Variants in MDM4 observed in about 807,000 individuals in gnomAD.
MDM4 encodes MDM4 regulator of p53, also known as protein Mdm4.
In MDM4, 2 loss-of-function variants were observed where a neutral mutation model predicts 60.2. That is an observed-to-expected ratio of 0.03 (90% CI 0.01 to 0.10). MDM4 has a LOEUF of 0.10. Ranked by LOEUF, MDM4 falls within the 10% of genes least tolerant of loss-of-function variation. The pLI is 1.00. For missense variants in MDM4, 447 were observed against 577.5 expected, an observed-to-expected ratio of 0.77 and a Z score of 2.32; for synonymous variants, 202 against 198.1, an observed-to-expected ratio of 1.02 and a Z score of -0.17.
At chr1:204,524,153 T>G (rs905577216) in intron 1 of MDM4, among the ~76,000 whole-genome samples, 9 of 152,154 alleles carry the variant, frequency 5.9e-5, no homozygotes, top group African/African-American at 2.2e-4. Context: ...ACTTTTAAAG[T>G]TTTAAATGAA....
At chr1:204,533,001 TTAA>T (rs1276084403) in intron 5 of MDM4, among the ~76,000 whole-genome samples, 1 of 152,254 alleles carries the variant, frequency 6.6e-6, no homozygotes, top group East Asian at 1.9e-4. Flanking sequence ...GTCAGTCATG[TTAA>T]TAATCTGTGG....
intron 7 of MDM4, among the ~76,000 whole-genome samples, chr1:204,541,999 G>T (rs887338416): frequency 1.3e-5 from 2 of 152,210 alleles, no homozygotes; most frequent in South Asian, 2.1e-4. Flanking sequence ...GTATGGGAAA[G>T]AAAAGAGTAT....
intron 6 of MDM4, 123 bp from the exon 7 acceptor site, chr1:204,538,086 A>T: frequency 1.3e-6 from 1 of 768,374 alleles, no homozygotes; most frequent in Non-Finnish European, 2.4e-6. Context: ...TGTGAACTTG[A>T]GTTCTCTTTC....
In MDM4 at chr1:204,554,125, A is replaced by G. The variant is rs1663402572; in HGVS notation, c.*4443A>G. ...ATTTTGTGTGTGTCAATTCAATGCA[A>G]TGTTGGCTGCCTTTTGAAGTCTTTG... is the stretch of plus-strand genomic sequence containing the variant. On this transcript the variant is annotated 3_prime_UTR_variant, in exon 11 of 11. Transcript: ENST00000367182. The G allele has an allele frequency of 1.3e-5, 3 of 229,094 alleles. No individual in the cohort carries two copies. The highest frequency in any genetic ancestry group is 2.6e-5 in the Non-Finnish European group (3 of 115,602). 14.2% of individuals were successfully genotyped at this position (229,094 alleles called of 1,614,324 possible). A position where few individuals can be genotyped will look rare whatever the true frequency, so the allele number is the denominator to read the frequency against.
Position 204,542,889 on chromosome 1 carries a change from T to C in MDM4, c.617T>C (p.Leu206Ser). 1 of 1,614,094 alleles carries C rather than the reference T, an allele frequency of 6.2e-7. No individual in the cohort carries two copies. Among genetic ancestry groups the C allele is most frequent in the Non-Finnish European group, 8.5e-7 (1 of 1,179,956 alleles). The change falls in exon 8 of 11, where the codon TTG (leucine) becomes TCG (serine). Residue 206 changes from leucine to serine, a missense_variant. Leu to Ser is a moderately radical substitution (Grantham distance 145). Around this residue, in one of 8 missense-constraint regions of MDM4, gnomAD observed 184 missense variants for 179.3 expected, o/e 1.03. Coordinates refer to ENST00000367182, the MANE Select transcript of MDM4 (RefSeq NM_002393.5). ...CTGCCTTGGTGGTTTTTAGGAAACT[T>C]GAGAAGCAACTATACACCTAGAAGT... The part of the protein sequence containing the change: ...AGLPWWFLGN[L>S]RSNYTPRSNG...
At chr1:204,544,817 C>T (rs1662487777) in intron 9 of MDM4, 133 bp downstream of exon 9, 1 of 885,690 alleles carries the variant, frequency 1.1e-6, no homozygotes, top group Non-Finnish European at 1.6e-6. Flanking sequence ...ATTTTTCAAT[C>T]CAATTTTAAG....
intron 1 of MDM4, among the ~76,000 whole-genome samples, chr1:204,518,579 G>A (rs1450513088): frequency 2.0e-5 from 3 of 152,186 alleles, no homozygotes; most frequent in Non-Finnish European, 2.9e-5. Flanking sequence ...TCATAATCAA[G>A]TAGTATATGG....
Position 204,523,462 on chromosome 1 carries a change from AC to A in MDM4, c.-35-2020del, listed in dbSNP as rs1206984962. Among the ~76,000 whole-genome samples, 3 of 120,660 alleles carry A rather than the reference AC, an allele frequency of 2.5e-5. No homozygotes were observed. The East Asian group carries it at 8.1e-4, about 33-fold the overall frequency. 79.2% of individuals were successfully genotyped at this position (120,660 alleles called of 152,430 possible). On this transcript the variant is annotated intron_variant, in intron 1 of 10. Transcript: ENST00000367182. ...AGCCTGGGCGACAGAGCGAGACTCC[AC>A]CTAAAAAAAATTTTTTTTTTTTTTT...
intron 9 of MDM4, among the ~76,000 whole-genome samples, chr1:204,545,882 G>C (rs1249179100): frequency 6.6e-6 from 1 of 151,958 alleles, no homozygotes; most frequent in African/African-American, 2.4e-5. Flanking sequence ...TTTGTGAGAA[G>C]GTTGCTGTAC....
intron 4 of MDM4, 37 bp downstream of exon 4, chr1:204,530,854 C>T (rs200310303): frequency 6.2e-6 from 10 of 1,613,552 alleles, no homozygotes; most frequent in South Asian, 2.2e-5. Flanking sequence ...TTTTTGGGTG[C>T]TTATACCTAG....
At chr1:204,547,652 G>C (rs1662796583) in intron 10 of MDM4, among the ~76,000 whole-genome samples, 1 of 152,206 alleles carries the variant, frequency 6.6e-6, no homozygotes, top group Non-Finnish European at 1.5e-5. Flanking sequence ...TCTGTGTGTA[G>C]CTTAGTAATA....
chr1:204,529,558 A>C lies in MDM4; in HGVS notation c.154-1126A>C, dbSNP rs370156604. Reference sequence around the variant, plus strand: ...GGCCCTCCAGGGGCAGGACCCCCATAGCCACCACCAGGGGGTAGCACGCTG... The same window carrying C: ...GGCCCTCCAGGGGCAGGACCCCCATCGCCACCACCAGGGGGTAGCACGCTG... On this transcript the variant is annotated intron_variant, in intron 3 of 10. Transcript: ENST00000367182. 77 of 1,470,716 alleles carry C rather than the reference A, an allele frequency of 5.2e-5. No individual in the cohort carries two copies. The East Asian group carries it at 1.7e-3, about 33-fold the overall frequency. The allele number at this position is 1,470,716 out of a possible 1,614,324, so 91.1% of individuals were successfully genotyped here. A position where few individuals can be genotyped will look rare whatever the true frequency, so the allele number is the denominator to read the frequency against.
At chr1:204,521,998 T>C (rs1454813740) in intron 1 of MDM4, among the ~76,000 whole-genome samples, 1 of 152,146 alleles carries the variant, frequency 6.6e-6, no homozygotes, top group Non-Finnish European at 1.5e-5. Context: ...TGACAAACTG[T>C]CATTTGAGCA....
At chr1:204,537,826 T>G in intron 6 of MDM4, 1 of 649,320 alleles carries the variant, frequency 1.5e-6, no homozygotes, top group South Asian at 1.5e-5. Flanking sequence ...TAAGTTCATG[T>G]CAGGCCATTT....
At chr1:204,522,586 C>T (rs1239282004) in intron 1 of MDM4, among the ~76,000 whole-genome samples, 4 of 151,468 alleles carry the variant, frequency 2.6e-5, no homozygotes, top group South Asian at 2.1e-4. Flanking sequence ...TTAGTAGAGA[C>T]GGTTTCACCA....
At chr1:204,530,613 A>G in intron 3 of MDM4, 71 bp from the exon 4 acceptor site, 1 of 1,576,588 alleles carries the variant, frequency 6.3e-7, no homozygotes, top group Non-Finnish European at 8.7e-7. Flanking sequence ...AACTTACCTT[A>G]CCTCCTCTAA....
At chr1:204,526,618 C>T (rs1232988635) in intron 3 of MDM4, among the ~76,000 whole-genome samples, 184 bp downstream of exon 3, 1 of 152,008 alleles carries the variant, frequency 6.6e-6, no homozygotes, top group Non-Finnish European at 1.5e-5. Context: ...TGCCTGCTGC[C>T]ACGCCCGGCT....
At chr1:204,540,855 G>T (rs951826911) in intron 7 of MDM4, among the ~76,000 whole-genome samples, 2 of 152,292 alleles carry the variant, frequency 1.3e-5, no homozygotes, top group South Asian at 2.1e-4. Context: ...ATTCCCCAAA[G>T]TCATTTTATG....
intron 1 of MDM4, among the ~76,000 whole-genome samples, chr1:204,525,177 T>C (rs1659995631): frequency 6.6e-6 from 1 of 152,238 alleles, no homozygotes; most frequent in Admixed American, 6.5e-5. Context: ...GGGGAGATAA[T>C]GATTTGACTT....
Sources: allele counts gnomAD v4.1 joint callset (sites outside exome capture counted in the v4.1 genomes callset), GRCh38; gene constraint gnomAD v4.1.1; regional missense constraint gnomAD v4.1.1; transcripts MANE v1.5; gene names NCBI Gene and HGNC (gene_info 2026-07-23, HGNC 2026-07-21).